KCNIP4: variants seen among roughly 807,000 people sequenced by gnomAD.
KCNIP4 encodes the protein potassium voltage-gated channel interacting protein 4, also known as Kv channel-interacting protein 4.
In KCNIP4, 12 loss-of-function variants were observed where a neutral mutation model predicts 34.0. That is an observed-to-expected ratio of 0.35 (90% CI 0.23 to 0.57). The LOEUF is 0.57. Ranked by LOEUF, KCNIP4 falls within the 20% of genes least tolerant of loss-of-function variation. The probability of loss-of-function intolerance (pLI) is 0.83; values close to 1 mark genes in which losing one functional copy is unlikely to be tolerated. For missense variants in KCNIP4, 238 were observed against 311.7 expected, an observed-to-expected ratio of 0.76 and a Z score of 1.78; for synonymous variants, 124 against 102.2, an observed-to-expected ratio of 1.21 and a Z score of -1.29.
intron 1 of KCNIP4, among the ~76,000 whole-genome samples, chr4:21,277,112 G>A (rs1034855751): frequency 8.5e-5 from 13 of 152,100 alleles, no homozygotes; most frequent in African/African-American, 2.2e-4. Context: ...TCATATAGCC[G>A]TATTCAATTC....
chr4:21,245,823 A>G (rs1305153922), intron 1 of KCNIP4, among the ~76,000 whole-genome samples: 1 of 152,202 alleles, frequency 6.6e-6, no homozygotes, highest in Non-Finnish European at 1.5e-5. Context: ...TGAAATTCAA[A>G]GGCAACACGT....
intron 1 of KCNIP4, among the ~76,000 whole-genome samples, chr4:21,583,519 G>C (rs1194729105): frequency 1.3e-5 from 2 of 151,920 alleles, no homozygotes; most frequent in African/African-American, 4.8e-5. Flanking sequence ...CTAGGAACTA[G>C]CTAAATAGTA....
intron 1 of KCNIP4, among the ~76,000 whole-genome samples, chr4:21,145,305 A>G (rs1752272735): frequency 6.6e-6 from 1 of 152,214 alleles, no homozygotes; most frequent in South Asian, 2.1e-4. Flanking sequence ...TAAGCAATGG[A>G]AGGTCTAACA....
At position 20,933,532 on chromosome 4, in the gene KCNIP4, A is replaced by G. The variant is rs192023374; in HGVS notation, c.62-50823T>C. On this transcript the variant is annotated intron_variant, in intron 1 of 8. Coordinates refer to ENST00000382152, the MANE Select transcript of KCNIP4 (RefSeq NM_025221.6). ...AATACAGAAGTTGGACTATCATTACATGGTTTCACATATATCACACTTTAA... is the reference window on the plus strand; with the variant it reads ...AATACAGAAGTTGGACTATCATTACGTGGTTTCACATATATCACACTTTAA... 1.7e-4 allele frequency among the ~76,000 whole-genome samples: 26 copies of G among 152,308 alleles called. No individual in the cohort carries two copies. The East Asian group carries it at 4.6e-3, about 27-fold the overall frequency.
At chr4:21,412,976 T>C (rs887646407) in intron 1 of KCNIP4, among the ~76,000 whole-genome samples, 3 of 152,206 alleles carry the variant, frequency 2.0e-5, no homozygotes, top group Non-Finnish European at 2.9e-5. Context: ...GGAGCTTCAC[T>C]GCTATAAGCC....
chr4:21,310,040 G>GT (rs1012220291), intron 1 of KCNIP4, among the ~76,000 whole-genome samples: 1 of 151,940 alleles, frequency 6.6e-6, no homozygotes, highest in Non-Finnish European at 1.5e-5. Flanking sequence ...ATATTTTTTG[G>GT]TTTTTTTGAG....
chr4:21,710,405 C>A (rs1713630273), intron 1 of KCNIP4, among the ~76,000 whole-genome samples: 1 of 152,166 alleles, frequency 6.6e-6, no homozygotes, highest in Non-Finnish European at 1.5e-5. Context: ...AGGGCTCTGA[C>A]CTCCTCCAGG....
intron 5 of KCNIP4, among the ~76,000 whole-genome samples, chr4:20,749,008 T>C (rs1377200418): frequency 6.6e-6 from 1 of 151,670 alleles, no homozygotes; most frequent in Non-Finnish European, 1.5e-5. Context: ...TTAAATACTT[T>C]CTAGCTGGGC....
intron 1 of KCNIP4, among the ~76,000 whole-genome samples, chr4:20,968,033 T>C (rs1362226778): frequency 3.9e-5 from 6 of 152,168 alleles, no homozygotes; most frequent in Non-Finnish European, 7.3e-5. Context: ...TCTACCCATC[T>C]GACAAAGGGC....
chr4:21,109,430 G>A (rs1316988801), intron 1 of KCNIP4, among the ~76,000 whole-genome samples: 1 of 152,250 alleles, frequency 6.6e-6, no homozygotes, highest in Non-Finnish European at 1.5e-5. Context: ...ATCTCCTGGT[G>A]TGCCGTTTTT....
intron 1 of KCNIP4, among the ~76,000 whole-genome samples, chr4:21,498,992 T>TAC (rs1471342171): frequency 6.6e-6 from 1 of 152,208 alleles, no homozygotes; most frequent in Non-Finnish European, 1.5e-5. Context: ...TTTTCTTTGC[T>TAC]ATTTATGTAC....
chr4:21,501,638 G>C lies in KCNIP4; in HGVS notation c.61+446933C>G, dbSNP rs180750264. Among the ~76,000 whole-genome samples the C allele has an allele frequency of 8.0e-5, 12 of 149,322 alleles. No homozygotes were observed. In the East Asian group the frequency reaches 2.4e-3, roughly 30 times the overall value. On this transcript the variant is annotated intron_variant, in intron 1 of 8. Transcript: ENST00000382152. ...AATGGCAATGGTCTTCAACTCTGCA[G>C]CAATTATGGGCTGTACTCCTCAAAT...
intron 1 of KCNIP4, among the ~76,000 whole-genome samples, chr4:21,014,135 T>C (rs941240300): frequency 6.6e-6 from 1 of 152,214 alleles, no homozygotes; most frequent in African/African-American, 2.4e-5. Flanking sequence ...ATCTTTAAAA[T>C]CATATAATTG....
At chr4:21,465,882 G>A (rs1446007094) in intron 1 of KCNIP4, among the ~76,000 whole-genome samples, 1 of 152,168 alleles carries the variant, frequency 6.6e-6, no homozygotes, top group African/African-American at 2.4e-5. Flanking sequence ...CTAAGCTAGT[G>A]ACCTGGTCCT....
intron 1 of KCNIP4, among the ~76,000 whole-genome samples, chr4:21,311,526 T>C (rs1048338656): frequency 1.3e-5 from 2 of 151,944 alleles, no homozygotes; most frequent in Non-Finnish European, 2.9e-5. Flanking sequence ...CCATCTCTAC[T>C]AAAAATACAA....
At chr4:20,731,255 A>G (rs919160243) in intron 8 of KCNIP4, 5 of 329,352 alleles carry the variant, frequency 1.5e-5, no homozygotes, top group Non-Finnish European at 2.2e-5. Flanking sequence ...TTTTTTGTAG[A>G]GATAGATAGG....
chr4:21,927,693 T>G (rs1464058273), intron 1 of KCNIP4, among the ~76,000 whole-genome samples: 2 of 152,152 alleles, frequency 1.3e-5, no homozygotes, highest in Non-Finnish European at 2.9e-5. Context: ...ATGTGTAATA[T>G]TCAAGTCGCA....
At chr4:21,173,928 G>A (rs1754202168) in intron 1 of KCNIP4, among the ~76,000 whole-genome samples, 1 of 152,172 alleles carries the variant, frequency 6.6e-6, no homozygotes, top group Admixed American at 6.5e-5. Flanking sequence ...ATGCTAAGGA[G>A]CCTTTCTTAT....
chr4:21,621,495 A>G (rs1320238209), intron 1 of KCNIP4, among the ~76,000 whole-genome samples: 2 of 152,054 alleles, frequency 1.3e-5, no homozygotes, highest in African/African-American at 4.8e-5. Context: ...CCTCCTAAGT[A>G]GTTGTGACCA....
Sources: allele counts gnomAD v4.1 joint callset (sites outside exome capture counted in the v4.1 genomes callset), GRCh38; gene constraint gnomAD v4.1.1; transcripts MANE v1.5; gene names NCBI Gene and HGNC (gene_info 2026-07-23, HGNC 2026-07-21).